The following HUWE1 variants were observed in gnomAD, a reference collection of about 807,000 sequenced individuals.
HUWE1 encodes HECT, UBA and WWE domain containing E3 ubiquitin protein ligase 1, also known as E3 ubiquitin-protein ligase HUWE1.
A neutral mutation model predicts 299.4 loss-of-function variants in HUWE1; 18 were observed. The ratio of observed to expected loss-of-function variants is 0.06; its 90% CI spans 0.04 to 0.09. HUWE1 has a LOEUF of 0.09. Ranked by LOEUF, HUWE1 falls within the 10% of genes least tolerant of loss-of-function variation. HUWE1 has a pLI of 1.00. For missense variants in HUWE1, 1,832 were observed against 3,462.3 expected (o/e 0.53, Z 11.82); for synonymous variants, 1,317 against 1,286.1 (o/e 1.02, Z -0.51).
intron 29 of HUWE1, among the ~76,000 whole-genome samples, chrX:53,596,322 T>C (rs2064467408): frequency 9.0e-6 from 1 of 111,501 alleles, no homozygotes; most frequent in Non-Finnish European, 1.9e-5. Context: ...ATGAAACATG[T>C]AGCCTCAAAA....
intron 3 of HUWE1, among the ~76,000 whole-genome samples, chrX:53,679,684 G>A (rs2070028240): frequency 8.9e-6 from 1 of 112,176 alleles, no homozygotes; most frequent in Non-Finnish European, 1.9e-5. Context: ...GAATGTGCAA[G>A]TTGATACTAT....
At chrX:53,597,504 G>C (rs1556986240) in intron 29 of HUWE1, among the ~76,000 whole-genome samples, 1 of 88,392 alleles carries the variant, frequency 1.1e-5, no homozygotes, top group East Asian at 3.4e-4. Context: ...CCTTGAAGGA[G>C]AAAGATAAAC....
chrX:53,639,230 C>A (rs926203924), intron 7 of HUWE1, among the ~76,000 whole-genome samples: 21 of 111,803 alleles, frequency 1.9e-4, no homozygotes, highest in African/African-American at 6.5e-4. Context: ...AATGGCCAAG[C>A]ATAAAGATGC....
intron 39 of HUWE1, 117 bp downstream of exon 39, chrX:53,586,373 A>G: frequency 2.0e-6 from 1 of 509,600 alleles, no homozygotes; most frequent in Non-Finnish European, 3.4e-6. Context: ...CCCTTAAGAG[A>G]TTTATACATT....
rs1556957279 is a variant in HUWE1 at position 53,575,200 on chromosome X, C to T, written c.6052G>A (p.Gly2018Ser). The T allele has an allele frequency of 8.3e-7, 1 of 1,204,754 alleles. No homozygotes were observed. The highest frequency in any genetic ancestry group is 2.2e-5 in the Admixed American group (1 of 45,935). Residue 2018 changes from glycine (G) to serine (S), a missense_variant, in exon 46 of 84, where the codon GGT becomes AGT. Around this residue, in one of 15 missense-constraint regions of HUWE1, gnomAD observed 157 missense variants for 252.3 expected, o/e 0.62. Transcript: ENST00000262854. ...GATGCGGAAGTCTCAGTGGAGGCAC[C>T]ATCTGCAGCAAAGACCTGACTCTGA... ...SINSQVFAAD[G>S]ASTETSASGT...
Position 53,548,055 on chromosome X carries a change from C to G in HUWE1, c.10254G>C (p.Glu3418Asp), listed in dbSNP as rs782770613. Reference sequence around the variant, plus strand: ...CGAGGCTGTATGGAGAGGTTTCCCCCTCACCGCCAGCGCTCACTGGCACTG... The same window carrying G: ...CGAGGCTGTATGGAGAGGTTTCCCCGTCACCGCCAGCGCTCACTGGCACTG... Reference protein sequence around the residue: ...VKSVPVSAGGEGETSPYSLEA... With the variant: ...VKSVPVSAGGDGETSPYSLEA... Residue 3418 changes from glutamate (E) to aspartate (D), a missense_variant, in exon 68 of 84, where the codon GAG (glutamate) becomes GAC (aspartate). Transcript: ENST00000262854. 2 of 1,210,055 alleles carry G rather than the reference C, an allele frequency of 1.7e-6. No homozygotes were observed. Among genetic ancestry groups the G allele is most frequent in the Admixed American group, 2.2e-5 (1 of 45,940 alleles).
rs1174314111 is a variant in HUWE1, at chrX:53,607,453, CAT to C, written c.2496+68_2496+69del. 7 of 980,612 alleles carry C rather than the reference CAT, an allele frequency of 7.1e-6. No individual in the cohort carries two copies. In the Admixed American group the frequency reaches 1.2e-4, roughly 17 times the overall value. The allele number at this position is 980,612 out of a possible 1,213,427, so 80.8% of individuals were successfully genotyped here. ...AGTTGAAGGGAGACCATAGTAAAAA[CAT>C]ATATACAGAAGTATCGCAAAATTGA... On this transcript the variant is annotated intron_variant, in intron 25 of 83. Coordinates refer to ENST00000262854, the MANE Select transcript of HUWE1 (RefSeq NM_031407.7).
rs941634776 is a variant in HUWE1, at chrX:53,625,468, A to C, written c.1490-210T>G. ...TACTTTTAATTTTACCAATACTAAA[A>C]GTCTAAAGTAAAAAAGAAAAATTAC... On this transcript the variant is annotated intron_variant, in intron 17 of 83. Transcript: ENST00000262854. 14 of 350,376 alleles carry C rather than the reference A, an allele frequency of 4.0e-5. No homozygotes were observed. The South Asian group carries it at 9.8e-4, about 25-fold the overall frequency. The allele number at this position is 350,376 out of a possible 1,213,427, so 28.9% of individuals were successfully genotyped here.
chrX:53,565,560 A>AT lies in HUWE1; in HGVS notation c.6708-322dup, dbSNP rs782185214. Among the ~76,000 whole-genome samples the AT allele has an allele frequency of 8.1e-4, 86 of 106,445 alleles. 1 individual carries two copies. Among genetic ancestry groups the AT allele is most frequent in the African/African-American group, 2.3e-3 (68 of 29,432 alleles). The allele number at this position is 106,445 out of a possible 115,157, so 92.4% of individuals were successfully genotyped here. On this transcript the variant is annotated intron_variant, in intron 49 of 83. Coordinates refer to ENST00000262854, the MANE Select transcript of HUWE1 (RefSeq NM_031407.7). The stretch of plus-strand genomic sequence containing the variant: ...AAGCCACTTCTCGGATGTACTCAGG[A>AT]TTTTTTTTTTTAAACCACCAGCATT...
intron 22 of HUWE1, among the ~76,000 whole-genome samples, chrX:53,615,503 C>T (rs1307866900): frequency 1.8e-5 from 2 of 111,809 alleles, no homozygotes; most frequent in African/African-American, 3.3e-5. Flanking sequence ...GCCAGGATTA[C>T]AGGCGTGAGC....
intron 66 of HUWE1, 119 bp from the exon 67 acceptor site, chrX:53,549,624 G>A: frequency 1.6e-6 from 1 of 609,570 alleles, no homozygotes; most frequent in East Asian, 3.5e-5. Context: ...AAAGGTGGGT[G>A]TCCAGTCCAA....
At chrX:53,627,293 G>A (rs782554834) in intron 17 of HUWE1, 117 bp downstream of exon 17, 264 of 455,110 alleles carry the variant, frequency 5.8e-4, no homozygotes, top group Admixed American at 1.9e-3. Context: ...TTTTGTTGCT[G>A]AAAGTATATA....
chrX:53,572,512 C>A (rs782620962), intron 47 of HUWE1, among the ~76,000 whole-genome samples: 2 of 112,011 alleles, frequency 1.8e-5, no homozygotes, highest in Non-Finnish European at 3.8e-5. Context: ...GACCCTTTTG[C>A]CACTTACTAA....
intron 8 of HUWE1, 91 bp from the exon 9 acceptor site, chrX:53,632,655 T>C: frequency 1.5e-6 from 1 of 653,421 alleles, no homozygotes; most frequent in Non-Finnish European, 2.5e-6. Context: ...TCCTAGCCAC[T>C]TGTTCAACTT....
intron 49 of HUWE1, among the ~76,000 whole-genome samples, chrX:53,568,110 T>G (rs2062656372): frequency 8.9e-6 from 1 of 111,948 alleles, no homozygotes; most frequent in Admixed American, 9.4e-5. Context: ...ATAAGAGAGA[T>G]TCAGAAAACA....
chrX:53,629,770 C>A (rs1300331647), intron 12 of HUWE1, among the ~76,000 whole-genome samples, 154 bp from the exon 13 acceptor site: 1 of 112,157 alleles, frequency 8.9e-6, no homozygotes, highest in East Asian at 2.8e-4. Context: ...TTCTGAAGGA[C>A]TGGATCAAAT....
chrX:53,536,089 C>A (rs1006001849), intron 80 of HUWE1, 58 bp downstream of exon 80: 5 of 768,942 alleles, frequency 6.5e-6, no homozygotes, highest in Non-Finnish European at 1.0e-5. Flanking sequence ...TAAGGTGAAC[C>A]TGGAATGGAT....
At position 53,537,640 on chromosome X, in the gene HUWE1, G is replaced by A; in HGVS notation, c.12053C>T (p.Ala4018Val). The change falls in exon 78 of 84, where the codon GCT (alanine) becomes GTT (valine). Residue 4018 changes from alanine (A) to valine (V), a missense_variant. Coordinates refer to ENST00000262854, the MANE Select transcript of HUWE1 (RefSeq NM_031407.7). ...LDEGLRKEDM[A>V]VHVRRDHVFE... is the part of the protein sequence containing the mutation. ...CACATGGTCACGACGGACATGCACA[G>A]CCATGTCTTCTTTCCGGAGCCCCTC... 1 of 1,205,979 alleles carries A rather than the reference G, an allele frequency of 8.3e-7. No individual in the cohort carries two copies. The highest frequency in any genetic ancestry group is 1.1e-6 in the Non-Finnish European group (1 of 890,721).
At chrX:53,665,367 C>T (rs1045186053) in intron 3 of HUWE1, among the ~76,000 whole-genome samples, 2 of 112,442 alleles carry the variant, frequency 1.8e-5, no homozygotes, top group African/African-American at 6.5e-5. Flanking sequence ...TGAAAACACA[C>T]TATACCTCAG....
Sources: gnomAD v4.1 joint callset for allele counts (sites outside exome capture counted in the v4.1 genomes callset) on GRCh38, gnomAD v4.1.1 for gene constraint, gnomAD v4.1.1 regional missense constraint, MANE v1.5 for transcripts, NCBI Gene and HGNC (gene_info 2026-07-23, HGNC 2026-07-21) for gene names.